The following NKIRAS1 variants were observed in gnomAD, a reference collection of about 807,000 sequenced individuals.
NKIRAS1 encodes NFKB inhibitor interacting Ras like 1, also known as NF-kappa-B inhibitor-interacting Ras-like protein 1.
Under a neutral mutation model 19.8 loss-of-function variants are expected in NKIRAS1, and 16 were observed. The ratio of observed to expected loss-of-function variants is 0.81; its 90% CI spans 0.55 to 1.23. NKIRAS1 has a LOEUF of 1.23. Ranked by LOEUF, NKIRAS1 falls within the 50% of genes most tolerant of loss-of-function variation. The probability of loss-of-function intolerance (pLI) is 0.00; values close to 1 mark genes in which losing one functional copy is unlikely to be tolerated. For synonymous variants in NKIRAS1, 88 were observed against 79.0 expected, an observed-to-expected ratio of 1.11 and a Z score of -0.61; for missense variants, 184 against 220.0, an observed-to-expected ratio of 0.84 and a Z score of 1.04.
chr3:23,927,595 T>C lies in NKIRAS1; in HGVS notation c.-139-16145A>G, dbSNP rs1315935649. On this transcript the variant is annotated intron_variant, in intron 1 of 4. Transcript: ENST00000421515. The surrounding 1 kb of genome is among the most constrained non-coding windows in gnomAD (Gnocchi z 4.0). ...ACTCATTTATTGGCAATTCTCATTG[T>C]CATTTGGAGAGAAGTTCATTATTTG... 6.6e-6 allele frequency among the ~76,000 whole-genome samples: 1 copy of C among 152,234 alleles called. No homozygotes were observed. Among genetic ancestry groups the C allele is most frequent in the Non-Finnish European group, 1.5e-5 (1 of 68,034 alleles).
intron 3 of NKIRAS1, among the ~76,000 whole-genome samples, chr3:23,906,185 G>A (rs1309902530): frequency 1.3e-5 from 2 of 150,076 alleles, no homozygotes; most frequent in Non-Finnish European, 3.0e-5. Flanking sequence ...AAAACCAAAG[G>A]GAGAAACAAA....
upstream of NKIRAS1, chr3:23,919,950 G>A (rs1575122549): frequency 1.0e-6 from 1 of 988,666 alleles, no homozygotes; most frequent in Non-Finnish European, 1.2e-6. Flanking sequence ...ATCTGGGTTA[G>A]CCTGAAGAAA....
At chr3:23,898,807 G>A (rs1348355864) in intron 4 of NKIRAS1, among the ~76,000 whole-genome samples, 3 of 152,098 alleles carry the variant, frequency 2.0e-5, no homozygotes, top group Non-Finnish European at 4.4e-5. Context: ...CCAGTCCAGG[G>A]CCTGTTAGGA....
At chr3:23,910,974 T>A (rs980407846) in intron 2 of NKIRAS1, 53 bp from the exon 3 acceptor site, 2 of 1,312,676 alleles carry the variant, frequency 1.5e-6, no homozygotes, top group African/African-American at 3.0e-5. Flanking sequence ...AATTAACCAT[T>A]TCTTTTTCTT....
chr3:23,916,732 G>A (rs1390622891), intron 1 of NKIRAS1, 52 bp downstream of exon 1: 1 of 152,792 alleles, frequency 6.5e-6, no homozygotes, highest in Non-Finnish European at 1.5e-5. Flanking sequence ...GCGCGGAGAC[G>A]CGGAGACGCA....
upstream of NKIRAS1, chr3:23,919,153 G>C: frequency 7.4e-7 from 1 of 1,358,248 alleles, no homozygotes; most frequent in South Asian, 1.2e-5. Context: ...TGCTGCTATA[G>C]GCAATGTGGG....
Position 23,891,590 on chromosome 3 carries a change from A to G in NKIRAS1, c.*1505T>C, listed in dbSNP as rs546401655. 2 of 152,336 alleles carry G rather than the reference A, an allele frequency of 1.3e-5. No homozygotes were observed. The highest frequency in any genetic ancestry group is 4.8e-5 in the African/African-American group (2 of 41,570). The allele number at this position is 152,336 out of a possible 1,614,324, so 9.4% of individuals were successfully genotyped here. ...TTGCAGATGCTGTAGTAGCAAGTAC[A>G]TGAGAAATGGGTTCCGTCATGGATA... On this transcript the variant is annotated 3_prime_UTR_variant, in exon 5 of 5. Transcript: ENST00000425478.
At chr3:23,905,206 C>G (rs1463652620) in intron 3 of NKIRAS1, among the ~76,000 whole-genome samples, 1 of 151,776 alleles carries the variant, frequency 6.6e-6, no homozygotes, top group Non-Finnish European at 1.5e-5. Context: ...ATCCATAGGG[C>G]AAAAAATAAA....
At chr3:23,918,160 A>G (rs1365899645), upstream of NKIRAS1, 24 of 1,195,558 alleles carry the variant, frequency 2.0e-5, no homozygotes, top group Non-Finnish European at 2.7e-5. Flanking sequence ...AAAGCTAGCA[A>G]CACTGGTCAG....
chr3:23,904,653 G>C (rs1702843599), intron 3 of NKIRAS1, among the ~76,000 whole-genome samples: 1 of 151,698 alleles, frequency 6.6e-6, no homozygotes, highest in African/African-American at 2.4e-5. Context: ...ACAAAGAAGA[G>C]AGCCTAAAAA....
At chr3:23,929,572 A>C (rs1705270664) in intron 1 of NKIRAS1, among the ~76,000 whole-genome samples, 1 of 151,774 alleles carries the variant, frequency 6.6e-6, no homozygotes, top group African/African-American at 2.4e-5. Flanking sequence ...GACTAGAGTT[A>C]TGTGCCACCA....
intron 1 of NKIRAS1, among the ~76,000 whole-genome samples, chr3:23,940,167 CCAA>C (rs1391976576): frequency 3.8e-4 from 11 of 28,904 alleles, no homozygotes; most frequent in African/African-American, 6.3e-4. Flanking sequence ...CCCATCTCTA[CCAA>C]AAAAAAAAAA....
intron 1 of NKIRAS1, among the ~76,000 whole-genome samples, chr3:23,924,852 C>A (rs1227935760): frequency 6.6e-6 from 1 of 152,136 alleles, no homozygotes; most frequent in East Asian, 1.9e-4. Context: ...ATCAGGCAGA[C>A]TAAATGAGGC....
chr3:23,906,987 G>A (rs1281423044), intron 3 of NKIRAS1, among the ~76,000 whole-genome samples: 3 of 151,912 alleles, frequency 2.0e-5, no homozygotes, highest in Admixed American at 1.3e-4. Flanking sequence ...TCTGCCTCCC[G>A]GGTTCAAGAG....
chr3:23,946,451 C>A, exon 1 of NKIRAS1: 1 of 266,866 alleles, frequency 3.7e-6, no homozygotes, highest in Non-Finnish European at 5.8e-6. Context: ...CGATCCCGAG[C>A]GACTCCCCGC....
At chr3:23,918,800 G>A (rs572331444), upstream of NKIRAS1, 95 of 590,420 alleles carry the variant, frequency 1.6e-4, no homozygotes, top group South Asian at 2.0e-3. Flanking sequence ...GCTTTAAAGC[G>A]GCAAGAATAT....
intron 1 of NKIRAS1, among the ~76,000 whole-genome samples, chr3:23,936,016 G>A (rs531519139): frequency 6.7e-4 from 98 of 145,376 alleles, no homozygotes; most frequent in Non-Finnish European, 8.9e-4. Flanking sequence ...CCAGAAATTC[G>A]AGGCTGCAGT....
chr3:23,923,503 GC>G (rs2125261973), intron 1 of NKIRAS1: 1 of 152,312 alleles, frequency 6.6e-6, no homozygotes, highest in East Asian at 1.9e-4. Context: ...ACAGGCATGA[GC>G]AACCGTGCCC....
upstream of NKIRAS1, chr3:23,918,984 G>A: frequency 1.7e-6 from 1 of 590,918 alleles, no homozygotes; most frequent in Non-Finnish European, 3.0e-6. Context: ...TATTAAGAGG[G>A]AATGATGTGT....
Sources: allele counts gnomAD v4.1 joint callset (sites outside exome capture counted in the v4.1 genomes callset), GRCh38; gene constraint gnomAD v4.1.1; non-coding constraint Gnocchi (gnomAD v3.1); transcripts MANE v1.5; gene names NCBI Gene and HGNC (gene_info 2026-07-23, HGNC 2026-07-21).